HS6ST3: variants seen among roughly 807,000 people sequenced by gnomAD.
The protein encoded by HS6ST3 is heparan-sulfate 6-O-sulfotransferase 3.
HS6ST3 carries 12 observed loss-of-function variants against 36.7 expected under a neutral mutation model. The ratio of observed to expected loss-of-function variants is 0.33; its 90% CI spans 0.21 to 0.53. HS6ST3 has a LOEUF of 0.53. Ranked by LOEUF, HS6ST3 falls within the 20% of genes least tolerant of loss-of-function variation. HS6ST3 has a pLI of 0.95. For synonymous variants in HS6ST3, 240 were observed against 257.5 expected, an observed-to-expected ratio of 0.93 and a Z score of 0.65; for missense variants, 584 against 640.9, an observed-to-expected ratio of 0.91 and a Z score of 0.96.
At chr13:96,258,527 A>G (rs372308278) in intron 1 of HS6ST3, among the ~76,000 whole-genome samples, 8 of 152,306 alleles carry the variant, frequency 5.3e-5, no homozygotes, top group East Asian at 3.9e-4. Context: ...GAGCTTGTCT[A>G]TGAAATGGGA....
intron 1 of HS6ST3, among the ~76,000 whole-genome samples, chr13:96,762,665 CTG>C (rs1454091784): frequency 6.6e-6 from 1 of 152,158 alleles, no homozygotes; most frequent in Non-Finnish European, 1.5e-5. Context: ...CCTTGCCACA[CTG>C]TGAATAAAAT....
intron 1 of HS6ST3, among the ~76,000 whole-genome samples, chr13:96,330,902 A>T (rs867863426): frequency 0.014 from 2,145 of 149,914 alleles, 22 homozygotes; most frequent in East Asian, 0.053. Flanking sequence ...TTTTTTCTCT[A>T]AACTTCCCTT....
intron 1 of HS6ST3, among the ~76,000 whole-genome samples, chr13:96,254,788 CT>C (rs1041988305): frequency 6.6e-6 from 1 of 151,864 alleles, no homozygotes; most frequent in African/African-American, 2.4e-5. Context: ...AGAAAGTAGC[CT>C]TTTTGCCTAA....
intron 1 of HS6ST3, among the ~76,000 whole-genome samples, chr13:96,258,141 T>C (rs1927800): frequency 0.46 from 69,640 of 152,046 alleles, 16,774 homozygotes; most frequent in Admixed American, 0.57. Context: ...TAGTTCTTTA[T>C]TGAAGTCTGG....
intron 1 of HS6ST3, among the ~76,000 whole-genome samples, chr13:96,455,107 T>G (rs2055748312): frequency 2.6e-5 from 4 of 152,202 alleles, no homozygotes. Context: ...GTGTTAAGAT[T>G]TAATGATTTG....
chr13:96,768,874 C>T (rs999334415), intron 1 of HS6ST3, among the ~76,000 whole-genome samples: 1 of 151,984 alleles, frequency 6.6e-6, no homozygotes, highest in African/African-American at 2.4e-5. Flanking sequence ...GAAACTTTAC[C>T]AAGGAGAAAA....
chr13:96,301,719 C>G (rs958759391), intron 1 of HS6ST3, among the ~76,000 whole-genome samples: 1 of 151,820 alleles, frequency 6.6e-6, no homozygotes, highest in Non-Finnish European at 1.5e-5. Context: ...TAGTGAAATC[C>G]CATCTCTACT....
At chr13:96,588,186 T>C (rs1218260187) in intron 1 of HS6ST3, among the ~76,000 whole-genome samples, 1 of 133,978 alleles carries the variant, frequency 7.5e-6, no homozygotes, top group East Asian at 2.0e-4. Context: ...ACAGGGACAA[T>C]TTACCTTTTT....
At chr13:96,516,967 G>T (rs2056075131) in intron 1 of HS6ST3, among the ~76,000 whole-genome samples, 1 of 152,190 alleles carries the variant, frequency 6.6e-6, no homozygotes, top group African/African-American at 2.4e-5. Context: ...TCTACAACCA[G>T]CGGGACACAT....
chr13:96,594,218 G>A (rs1284428939), intron 1 of HS6ST3, among the ~76,000 whole-genome samples: 4 of 151,856 alleles, frequency 2.6e-5, no homozygotes, highest in South Asian at 2.1e-4. Flanking sequence ...GTGATATGCC[G>A]GCTTGGCCTC....
chr13:96,626,683 T>G (rs1249346951), intron 1 of HS6ST3, among the ~76,000 whole-genome samples: 2 of 152,172 alleles, frequency 1.3e-5, no homozygotes, highest in Non-Finnish European at 2.9e-5. Context: ...ATTGGGTCTT[T>G]CTGTTCATGA....
rs1378726868 is a variant in HS6ST3 at position 96,836,049 on chromosome 13, T to C, written c.*2851T>C. The C allele has an allele frequency of 6.6e-6, 1 of 152,182 alleles. No homozygotes were observed. Among genetic ancestry groups the C allele is most frequent in the Non-Finnish European group, 1.5e-5 (1 of 68,050 alleles). 9.4% of individuals were successfully genotyped at this position (152,182 alleles called of 1,614,324 possible). On this transcript the variant is annotated 3_prime_UTR_variant, in exon 2 of 2. Coordinates refer to ENST00000376705, the MANE Select transcript of HS6ST3 (RefSeq NM_153456.4). The stretch of plus-strand genomic sequence containing the variant: ...AGGGATACAGTTTATTCTCCAAAAA[T>C]GGACTGCCCACTTCCATGCTGAGTG...
Position 96,424,449 on chromosome 13 carries a change from T to C in HS6ST3, c.707+332880T>C, listed in dbSNP as rs187066783. On this transcript the variant is annotated intron_variant, in intron 1 of 1. Coordinates refer to ENST00000376705, the MANE Select transcript of HS6ST3 (RefSeq NM_153456.4). The stretch of plus-strand genomic sequence containing the variant: ...ACAAACATCCTTTTACATAATGAAT[T>C]TACAATAAACCCTGAAGTGACATCT... Among the ~76,000 whole-genome samples, 105 of 152,338 alleles carry C rather than the reference T, an allele frequency of 6.9e-4. 1 individual carries two copies. Among genetic ancestry groups the C allele is most frequent in the Middle Eastern group, 6.8e-3 (2 of 294 alleles).
chr13:96,785,614 C>T (rs1451491332), intron 1 of HS6ST3, among the ~76,000 whole-genome samples: 1 of 152,088 alleles, frequency 6.6e-6, no homozygotes, highest in African/African-American at 2.4e-5. Flanking sequence ...CCGAGATTCT[C>T]CTTCCAAGGT....
chr13:96,359,683 G>C (rs773324560), intron 1 of HS6ST3, among the ~76,000 whole-genome samples: 1 of 152,028 alleles, frequency 6.6e-6, no homozygotes, highest in African/African-American at 2.4e-5. Flanking sequence ...GGTCATGTAG[G>C]GCCTTGGGGA....
chr13:96,136,045 A>G (rs1427673908), intron 1 of HS6ST3, among the ~76,000 whole-genome samples: 1 of 152,062 alleles, frequency 6.6e-6, no homozygotes, highest in Non-Finnish European at 1.5e-5. Flanking sequence ...CTCCCAACAC[A>G]CATTCAGGTG....
intron 1 of HS6ST3, among the ~76,000 whole-genome samples, chr13:96,314,850 A>G (rs920808956): frequency 5.9e-5 from 9 of 152,190 alleles, no homozygotes; most frequent in African/African-American, 1.9e-4. Flanking sequence ...TCATTTTATT[A>G]CTGATTCTTA....
chr13:96,746,656 A>T (rs1876569291), intron 1 of HS6ST3, among the ~76,000 whole-genome samples: 2 of 152,126 alleles, frequency 1.3e-5, no homozygotes, highest in Admixed American at 6.6e-5. Context: ...CATGAATATT[A>T]ATAATCATTT....
chr13:96,691,168 G>T (rs1470512406), intron 1 of HS6ST3, among the ~76,000 whole-genome samples: 1 of 152,100 alleles, frequency 6.6e-6, no homozygotes, highest in African/African-American at 2.4e-5. Context: ...TAAGGAGGGG[G>T]TGTTTTCAGC....
Sources: gnomAD v4.1 joint callset for allele counts (sites outside exome capture counted in the v4.1 genomes callset) on GRCh38, gnomAD v4.1.1 for gene constraint, MANE v1.5 for transcripts, NCBI Gene and HGNC (gene_info 2026-07-23, HGNC 2026-07-21) for gene names.